CMBL: variants seen among roughly 807,000 people sequenced by gnomAD.
CMBL encodes the protein carboxymethylenebutenolidase homolog (Pseudomonas).
CMBL carries 17 observed loss-of-function variants against 28.7 expected under a neutral mutation model. The ratio of observed to expected loss-of-function variants is 0.59; its 90% CI spans 0.41 to 0.89. The LOEUF is 0.89. CMBL is among the 40% of genes least tolerant of loss of function. The pLI is 0.00. For synonymous variants in CMBL, 106 were observed against 101.6 expected (o/e 1.04, Z -0.26); for missense variants, 310 against 298.5 (o/e 1.04, Z -0.28).
At chr5:10,305,463 A>G (rs1370491295) in intron 1 of CMBL, among the ~76,000 whole-genome samples, 1 of 149,582 alleles carries the variant, frequency 6.7e-6, no homozygotes, top group Non-Finnish European at 1.5e-5. Flanking sequence ...GGGCCACAGG[A>G]GTCACTCTGT....
intron 1 of CMBL, among the ~76,000 whole-genome samples, chr5:10,292,371 CT>C (rs1288675265): frequency 2.6e-5 from 4 of 152,154 alleles, no homozygotes; most frequent in East Asian, 1.9e-4. Flanking sequence ...CAATCAGCTC[CT>C]TTTTTTAGAA....
intron 4 of CMBL, among the ~76,000 whole-genome samples, chr5:10,284,107 G>A (rs542629531): frequency 2.6e-5 from 4 of 152,204 alleles, no homozygotes; most frequent in Admixed American, 2.6e-4. Context: ...ATGTGGATGG[G>A]CCTCTTTTGA....
At chr5:10,294,790 G>A (rs1746780804) in intron 1 of CMBL, among the ~76,000 whole-genome samples, 2 of 152,200 alleles carry the variant, frequency 1.3e-5, no homozygotes, top group African/African-American at 4.8e-5. Flanking sequence ...GGGGACATCA[G>A]ACAAAAGGAG....
At chr5:10,298,992 T>C (rs1746850723) in intron 1 of CMBL, among the ~76,000 whole-genome samples, 1 of 152,218 alleles carries the variant, frequency 6.6e-6, no homozygotes, top group Non-Finnish European at 1.5e-5. Context: ...TCCTGTGTAC[T>C]AATCTCTCTA....
chr5:10,291,653 G>T (rs375123259), intron 1 of CMBL, among the ~76,000 whole-genome samples: 7 of 146,700 alleles, frequency 4.8e-5, no homozygotes, highest in East Asian at 1.9e-4. Context: ...AGAGCGAGAC[G>T]CCGTCTCAAA....
At chr5:10,281,585 C>A (rs1444584766) in intron 5 of CMBL, among the ~76,000 whole-genome samples, 1 of 152,168 alleles carries the variant, frequency 6.6e-6, no homozygotes, top group Non-Finnish European at 1.5e-5. Flanking sequence ...TTTAATAAAT[C>A]CTTGTCTTTA....
intron 4 of CMBL, among the ~76,000 whole-genome samples, chr5:10,282,924 T>C (rs1746522364): frequency 6.6e-6 from 1 of 151,916 alleles, no homozygotes; most frequent in Non-Finnish European, 1.5e-5. Context: ...ACCCTGTCTC[T>C]ACTAAAAATA....
At chr5:10,283,538 G>A (rs1746543066) in intron 4 of CMBL, among the ~76,000 whole-genome samples, 1 of 152,196 alleles carries the variant, frequency 6.6e-6, no homozygotes, top group African/African-American at 2.4e-5. Context: ...AGCACTTTGG[G>A]AGGCCAAGGC....
At chr5:10,285,454 AC>A (rs937987202) in intron 4 of CMBL, among the ~76,000 whole-genome samples, 53 of 152,272 alleles carry the variant, frequency 3.5e-4, no homozygotes, top group African/African-American at 1.2e-3. Context: ...GGCGTGAGCC[AC>A]CACGCCCAGC....
At chr5:10,281,877 A>G (rs949271337) in intron 5 of CMBL, among the ~76,000 whole-genome samples, 3 of 150,890 alleles carry the variant, frequency 2.0e-5, no homozygotes, top group Non-Finnish European at 4.4e-5. Context: ...TATATAAATG[A>G]GGCCAGGCGT....
intron 1 of CMBL, among the ~76,000 whole-genome samples, chr5:10,296,714 G>A (rs1746816444): frequency 6.6e-6 from 1 of 152,206 alleles, no homozygotes; most frequent in African/African-American, 2.4e-5. Flanking sequence ...AGTGACGGGG[G>A]AGGAAGACCC....
chr5:10,282,377 T>C (rs1579469523), intron 4 of CMBL, 89 bp from the exon 5 acceptor site: 1 of 718,324 alleles, frequency 1.4e-6, no homozygotes, highest in Admixed American at 2.4e-5. Context: ...CCCACACTCA[T>C]GCCACAGAAA....
intron 1 of CMBL, among the ~76,000 whole-genome samples, chr5:10,300,236 G>C (rs1026846460): frequency 6.7e-6 from 1 of 150,074 alleles, no homozygotes; most frequent in African/African-American, 2.5e-5. Flanking sequence ...GTGGAGATGG[G>C]AAGGATGCAC....
intron 1 of CMBL, among the ~76,000 whole-genome samples, chr5:10,305,992 A>G (rs914406441): frequency 1.7e-5 from 2 of 118,178 alleles, no homozygotes; most frequent in African/African-American, 4.6e-5. Context: ...AACCAGTTAC[A>G]ACATCTGCCT....
intron 1 of CMBL, among the ~76,000 whole-genome samples, chr5:10,301,198 T>G (rs1746891924): frequency 6.6e-6 from 1 of 152,166 alleles, no homozygotes; most frequent in Non-Finnish European, 1.5e-5. Flanking sequence ...ATGGGTGATG[T>G]GAAAGGGTGG....
At position 10,277,799 on chromosome 5, in the gene CMBL, A is replaced by C. The variant is rs138190115; in HGVS notation, c.*2654T>G. The stretch of plus-strand genomic sequence containing the variant: ...CTGGTTCAGAACACCATGACATTTG[A>C]CCAAAGGACTCAGCAGAGGGAAGGC... On this transcript the variant is annotated 3_prime_UTR_variant, in exon 6 of 6. Coordinates refer to ENST00000296658, the MANE Select transcript of CMBL (RefSeq NM_138809.4). 1.3e-5 allele frequency among the ~76,000 whole-genome samples: 2 copies of C among 152,304 alleles called. No individual in the cohort carries two copies. The highest frequency in any genetic ancestry group is 2.9e-5 in the Non-Finnish European group (2 of 68,028).
At chr5:10,301,587 T>G (rs977344762) in intron 1 of CMBL, among the ~76,000 whole-genome samples, 1 of 145,652 alleles carries the variant, frequency 6.9e-6, no homozygotes, top group Non-Finnish European at 1.5e-5. Context: ...GAGCTTTCTT[T>G]TTTTCTTTTT....
At chr5:10,300,523 C>T (rs77194893) in intron 1 of CMBL, among the ~76,000 whole-genome samples, 5,127 of 152,184 alleles carry the variant, frequency 0.034, 158 homozygotes, top group South Asian at 0.14. Flanking sequence ...TCTCCAGACC[C>T]GCATGGTGGC....
rs1746477774 is a variant in CMBL at position 10,280,400 on chromosome 5, C to G, written c.*53G>C. On this transcript the variant is annotated 3_prime_UTR_variant, in exon 6 of 6. Coordinates refer to ENST00000296658, the MANE Select transcript of CMBL (RefSeq NM_138809.4). The stretch of plus-strand genomic sequence containing the variant: ...TTAAATCAAATGATCTAACTATTTC[C>G]AAGCAAATTTTGGGATGAAAGCTAT... The G allele has an allele frequency of 2.1e-6, 3 of 1,395,606 alleles. No homozygotes were observed. Among genetic ancestry groups the G allele is most frequent in the Non-Finnish European group, 1.9e-6 (2 of 1,031,288 alleles). 86.5% of individuals were successfully genotyped at this position (1,395,606 alleles called of 1,614,324 possible).
Sources: gnomAD v4.1 joint callset for allele counts (sites outside exome capture counted in the v4.1 genomes callset) on GRCh38, gnomAD v4.1.1 for gene constraint, MANE v1.5 for transcripts, NCBI Gene and HGNC (gene_info 2026-07-23, HGNC 2026-07-21) for gene names.